Variants in FLRT1 observed in about 807,000 individuals in gnomAD.
FLRT1 encodes the protein fibronectin leucine rich transmembrane protein 1.
In FLRT1, 14 loss-of-function variants were observed where a neutral mutation model predicts 30.9. The observed-to-expected ratio is 0.45, with a 90% CI of 0.30 to 0.71. The LOEUF is 0.71. Ranked by LOEUF, FLRT1 falls within the 30% of genes least tolerant of loss-of-function variation. The probability of loss-of-function intolerance (pLI) is 0.08; values close to 1 mark genes in which losing one functional copy is unlikely to be tolerated. For missense variants in FLRT1, 737 were observed against 949.2 expected (o/e 0.78, Z 2.94); for synonymous variants, 368 against 430.4 (o/e 0.85, Z 1.80).
At chr11:64,086,939 T>C (rs1944406361) in intron 1 of FLRT1, 1 of 152,146 alleles carries the variant, frequency 6.6e-6, no homozygotes, top group Non-Finnish European at 1.5e-5. Context: ...CTCTCCTTGA[T>C]GGCGGGGTAT....
intron 2 of FLRT1, among the ~76,000 whole-genome samples, chr11:64,111,558 T>G (rs779011134): frequency 3.3e-5 from 5 of 152,176 alleles, no homozygotes; most frequent in Admixed American, 6.5e-5. Flanking sequence ...TGACCTTGGC[T>G]GGGCCCCTCA....
intron 1 of FLRT1, among the ~76,000 whole-genome samples, chr11:64,097,553 G>A (rs1944599190): frequency 6.6e-6 from 1 of 152,244 alleles, no homozygotes; most frequent in African/African-American, 2.4e-5. Context: ...ACAGACTCCT[G>A]AAGCCACCCA....
chr11:64,076,561 C>T (rs1420570444), intron 1 of FLRT1, among the ~76,000 whole-genome samples: 1 of 152,162 alleles, frequency 6.6e-6, no homozygotes, highest in South Asian at 2.1e-4. Context: ...TCTAAGTTCT[C>T]GGCCAGAGAA....
Position 64,096,535 on chromosome 11 carries a change from C to T in FLRT1, c.-1037-6659C>T, listed in dbSNP as rs1272832082. The stretch of plus-strand genomic sequence containing the variant: ...GGTTCAAGCAATTCTCTTGCCTCAG[C>T]CCACCGAGTAGCTGGGATTACAGGC... On this transcript the variant is annotated intron_variant, in intron 1 of 2. Transcript: ENST00000682287. The surrounding 1 kb of genome is among the most constrained non-coding windows in gnomAD (Gnocchi z 4.6). Among the ~76,000 whole-genome samples, 1 of 152,162 alleles carries T rather than the reference C, an allele frequency of 6.6e-6. No homozygotes were observed.
intron 1 of FLRT1, among the ~76,000 whole-genome samples, chr11:64,056,060 C>T (rs1276527680): frequency 4.6e-5 from 7 of 152,198 alleles, no homozygotes; most frequent in African/African-American, 4.8e-5. Flanking sequence ...CCAGGGTTGG[C>T]AGGAGGCTGT....
intron 1 of FLRT1, among the ~76,000 whole-genome samples, chr11:64,048,468 C>T (rs754880611): frequency 6.6e-6 from 1 of 152,144 alleles, no homozygotes; most frequent in African/African-American, 2.4e-5. Context: ...GCTGTGGTTG[C>T]CAGGGACCCA....
chr11:64,104,178 G>C lies in FLRT1; in HGVS notation c.-53G>C, dbSNP rs1445628487. 6.6e-6 allele frequency: 1 copy of C among 152,398 alleles called. No individual in the cohort carries two copies. Among genetic ancestry groups the C allele is most frequent in the Non-Finnish European group, 1.5e-5 (1 of 68,078 alleles). 9.4% of individuals were successfully genotyped at this position (152,398 alleles called of 1,614,324 possible). A position where few individuals can be genotyped will look rare whatever the true frequency, so the allele number is the denominator to read the frequency against. On this transcript the variant is annotated 5_prime_UTR_variant, in exon 2 of 3. Transcript: ENST00000682287. ...GAGGGTCTTGGGCGGCAGCGACGAAGGAGGTAAGGCCCAAGGACAAGGGAA... is the reference window on the plus strand; with the variant it reads ...GAGGGTCTTGGGCGGCAGCGACGAACGAGGTAAGGCCCAAGGACAAGGGAA...
In FLRT1 at chr11:64,117,954, C is replaced by T; in HGVS notation, c.1687C>T (p.Leu563=). 1.2e-6 allele frequency: 2 copies of T among 1,613,724 alleles called. No individual in the cohort carries two copies. The highest frequency in any genetic ancestry group is 2.2e-5 in the South Asian group (2 of 91,078). The stretch of plus-strand genomic sequence containing the variant: ...GGGCATCATCGGCGGGGCAGTGGCT[C>T]TGGTCTTCCTCTTCCTGGTCCTGGG... ...LAGIIGGAVA[L]VFLFLVLGAI... Residue 563 remains leucine (L), a synonymous_variant, in exon 3 of 3, where the codon CTG becomes TTG. Transcript: ENST00000682287.
chr11:64,108,951 C>T (rs998333121), intron 2 of FLRT1, among the ~76,000 whole-genome samples: 2 of 152,066 alleles, frequency 1.3e-5, no homozygotes, highest in Admixed American at 6.5e-5. Context: ...GGCAGGTGGG[C>T]AGGAAGGAGG....
At chr11:64,069,054 G>A (rs1177376940) in intron 1 of FLRT1, among the ~76,000 whole-genome samples, 2 of 152,212 alleles carry the variant, frequency 1.3e-5, no homozygotes, top group Non-Finnish European at 2.9e-5. Flanking sequence ...GGCAGTGGCA[G>A]GTGGGGGTGG....
chr11:64,106,745 G>C (rs745823742), intron 2 of FLRT1, among the ~76,000 whole-genome samples: 2 of 152,314 alleles, frequency 1.3e-5, no homozygotes, highest in Non-Finnish European at 1.5e-5. Flanking sequence ...TGCAGAGCCC[G>C]CAGCCTCAGT....
intron 1 of FLRT1, among the ~76,000 whole-genome samples, chr11:64,039,049 G>A (rs1943435428): frequency 6.6e-6 from 1 of 152,170 alleles, no homozygotes; most frequent in Non-Finnish European, 1.5e-5. Context: ...GCTTCTTCAG[G>A]CCTTGGGGTG....
intron 1 of FLRT1, among the ~76,000 whole-genome samples, chr11:64,040,008 C>G (rs1449365497): frequency 6.6e-6 from 1 of 152,234 alleles, no homozygotes; most frequent in African/African-American, 2.4e-5. Flanking sequence ...TTCCCTCACT[C>G]CTTCCCTCCT....
rs187441628 is a variant in FLRT1 at position 64,053,889 on chromosome 11, C to T, written c.-1038+17730C>T. 1.1e-4 allele frequency among the ~76,000 whole-genome samples: 17 copies of T among 152,256 alleles called. 1 individual carries two copies. The highest frequency in any genetic ancestry group is 1.1e-3 in the Admixed American group (17 of 15,304). ...GGGCTAAGATGCAAGGCCGCATACCCGGTTGCTTCCGTCATCCCCCCCACC... is the reference window on the plus strand; with the variant it reads ...GGGCTAAGATGCAAGGCCGCATACCTGGTTGCTTCCGTCATCCCCCCCACC... On this transcript the variant is annotated intron_variant, in intron 1 of 2. Coordinates refer to ENST00000682287, the MANE Select transcript of FLRT1 (RefSeq NM_013280.5).
intron 1 of FLRT1, among the ~76,000 whole-genome samples, chr11:64,052,002 G>A (rs544956023): frequency 1.3e-4 from 20 of 151,840 alleles, no homozygotes; most frequent in African/African-American, 4.6e-4. Context: ...GGGTCCAGGC[G>A]AGAGCTGGGG....
chr11:64,064,618 C>T lies in FLRT1; in HGVS notation c.-1038+28459C>T, dbSNP rs575199808. Among the ~76,000 whole-genome samples, 8 of 151,722 alleles carry T rather than the reference C, an allele frequency of 5.3e-5. No homozygotes were observed. The highest frequency in any genetic ancestry group is 2.1e-4 in the South Asian group (1 of 4,710). On this transcript the variant is annotated intron_variant, in intron 1 of 2. Coordinates refer to ENST00000682287, the MANE Select transcript of FLRT1 (RefSeq NM_013280.5). This position sits in a 1 kb window ranked among gnomAD's most constrained non-coding sequence, Gnocchi z 4.5. ...GCCCTGTTAAAACCCAGAATGTATC[C>T]TGACAGCATTGGAACAGGATGCAGA...
Position 64,053,183 on chromosome 11 carries a change from CCTGGGGTGGGCGTG to C in FLRT1, c.-1038+17031_-1038+17044del, listed in dbSNP as rs1943725451. Among the ~76,000 whole-genome samples, 4 of 152,194 alleles carry C rather than the reference CCTGGGGTGGGCGTG, an allele frequency of 2.6e-5. No individual in the cohort carries two copies. In the East Asian group the frequency reaches 7.7e-4, roughly 29 times the overall value. ...GGAGAGCTGGGGCTGGGCTTGGGGCCCTGGGGTGGGCGTGCTGGGGAGCAGGGTGGGGTGAGGCT... is the reference window on the plus strand; with the variant it reads ...GGAGAGCTGGGGCTGGGCTTGGGGCCCTGGGGAGCAGGGTGGGGTGAGGCT... On this transcript the variant is annotated intron_variant, in intron 1 of 2. Transcript: ENST00000682287.
chr11:64,062,239 T>C (rs1405422298), intron 1 of FLRT1, among the ~76,000 whole-genome samples: 1 of 152,132 alleles, frequency 6.6e-6, no homozygotes, highest in Non-Finnish European at 1.5e-5. Flanking sequence ...CTTGGAGTAC[T>C]CCCTGTGCCT....
At chr11:64,083,291 C>G (rs899251958) in intron 1 of FLRT1, among the ~76,000 whole-genome samples, 1 of 152,126 alleles carries the variant, frequency 6.6e-6, no homozygotes, top group Non-Finnish European at 1.5e-5. Context: ...AAAAAAACAG[C>G]TGGGCATGGT....
Sources: allele counts gnomAD v4.1 joint callset (sites outside exome capture counted in the v4.1 genomes callset), GRCh38; gene constraint gnomAD v4.1.1; non-coding constraint Gnocchi (gnomAD v3.1); transcripts MANE v1.5; gene names NCBI Gene and HGNC (gene_info 2026-07-23, HGNC 2026-07-21).